The following METTL15 variants were observed in gnomAD, a reference collection of about 807,000 sequenced individuals.
The protein encoded by METTL15 is methyltransferase 15, mitochondrial 12S rRNA N4-cytidine.
A neutral mutation model predicts 38.3 loss-of-function variants in METTL15; 34 were observed. That is an observed-to-expected ratio of 0.89 (90% CI 0.68 to 1.18). The LOEUF is 1.18. Ranked by LOEUF, METTL15 falls within the 50% of genes most tolerant of loss-of-function variation. The pLI is 0.00. For synonymous variants in METTL15, 162 were observed against 170.9 expected, an observed-to-expected ratio of 0.95 and a Z score of 0.41; for missense variants, 438 against 498.4, an observed-to-expected ratio of 0.88 and a Z score of 1.15.
intron 4 of METTL15, among the ~76,000 whole-genome samples, chr11:28,224,815 C>T (rs528247307): frequency 1.6e-4 from 25 of 151,594 alleles, no homozygotes; most frequent in South Asian, 8.3e-4. Context: ...TAATTATATC[C>T]GGATACATTG....
rs751304202 is a variant in METTL15, at chr11:28,516,986, G to A, written c.*425-9492G>A. 12 of 152,362 alleles carry A rather than the reference G, an allele frequency of 7.9e-5. No homozygotes were observed. In the East Asian group the frequency reaches 1.9e-3, roughly 24 times the overall value. 9.4% of individuals were successfully genotyped at this position (152,362 alleles called of 1,614,324 possible). A position where few individuals can be genotyped will look rare whatever the true frequency, so the allele number is the denominator to read the frequency against. On this transcript the variant is annotated intron_variant and NMD_transcript_variant, in intron 6 of 7. Transcript: ENST00000532947. Reference sequence around the variant, plus strand: ...CAATAAGCAAGGGTCAAATGACAGCGATCCAGTTAGACCATGTTGAAGACC... The same window carrying A: ...CAATAAGCAAGGGTCAAATGACAGCAATCCAGTTAGACCATGTTGAAGACC...
chr11:28,209,441 C>T (rs1852526788), intron 3 of METTL15, among the ~76,000 whole-genome samples: 1 of 151,836 alleles, frequency 6.6e-6, no homozygotes, highest in Non-Finnish European at 1.5e-5. Context: ...ATTATTTGAT[C>T]TTGAGATTTA....
chr11:28,234,882 T>C (rs1225529390), intron 4 of METTL15, among the ~76,000 whole-genome samples: 1 of 148,506 alleles, frequency 6.7e-6, no homozygotes, highest in Admixed American at 6.7e-5. Flanking sequence ...TCCTTGCCCA[T>C]GCCTATGTCC....
intron 6 of METTL15, among the ~76,000 whole-genome samples, chr11:28,427,264 G>A (rs1315130783): frequency 1.3e-5 from 2 of 152,072 alleles, no homozygotes; most frequent in East Asian, 1.9e-4. Flanking sequence ...TCTTATTTCT[G>A]GGTTCTCTAT....
At chr11:28,389,598 A>T (rs1850480216) in intron 5 of METTL15, among the ~76,000 whole-genome samples, 1 of 151,916 alleles carries the variant, frequency 6.6e-6, no homozygotes, top group Non-Finnish European at 1.5e-5. Flanking sequence ...TCCATGTTGT[A>T]TATGTGCCAC....
chr11:28,133,843 C>G (rs1445592933), intron 3 of METTL15, among the ~76,000 whole-genome samples: 2 of 152,096 alleles, frequency 1.3e-5, no homozygotes, highest in Non-Finnish European at 2.9e-5. Flanking sequence ...ATTCCTGATC[C>G]ATAGAAACCA....
chr11:28,152,000 C>T (rs1232966504), intron 3 of METTL15, among the ~76,000 whole-genome samples: 1 of 151,992 alleles, frequency 6.6e-6, no homozygotes, highest in Non-Finnish European at 1.5e-5. Context: ...AAGGTCAATT[C>T]CCAGCGTGAG....
intron 5 of METTL15, among the ~76,000 whole-genome samples, chr11:28,378,287 G>A (rs1034262036): frequency 1.3e-5 from 2 of 152,196 alleles, no homozygotes; most frequent in African/African-American, 4.8e-5. Context: ...ATCTCAGACT[G>A]CTGTGCTAGC....
chr11:28,246,565 G>A (rs1017418400), intron 4 of METTL15, among the ~76,000 whole-genome samples: 2 of 152,144 alleles, frequency 1.3e-5, no homozygotes, highest in Admixed American at 6.6e-5. Flanking sequence ...AAAGTGCCTA[G>A]CAGGTAATAA....
chr11:28,217,878 G>A (rs571269067), intron 4 of METTL15, among the ~76,000 whole-genome samples: 1 of 152,264 alleles, frequency 6.6e-6, no homozygotes, highest in South Asian at 2.1e-4. Flanking sequence ...TAGATATGCG[G>A]CATTTTTTCT....
intron 3 of METTL15, chr11:28,164,200 A>T (rs1032410149): frequency 2.0e-4 from 30 of 152,090 alleles, no homozygotes; most frequent in African/African-American, 7.2e-4. Context: ...AGAAGCTCAC[A>T]CACGTAACGG....
intron 5 of METTL15, among the ~76,000 whole-genome samples, chr11:28,407,813 T>G (rs1850687133): frequency 6.6e-6 from 1 of 151,924 alleles, no homozygotes; most frequent in Admixed American, 6.6e-5. Flanking sequence ...TGGATATATA[T>G]CCAAAAGAAT....
intron 3 of METTL15, among the ~76,000 whole-genome samples, chr11:28,194,681 CAGAA>C (rs1241195465): frequency 1.3e-5 from 2 of 151,908 alleles, no homozygotes; most frequent in South Asian, 2.1e-4. Context: ...TGACCACTGT[CAGAA>C]AGAAAGATTA....
chr11:28,161,107 CTTTTTTT>C (rs10660185), intron 3 of METTL15, among the ~76,000 whole-genome samples: 53,511 of 132,340 alleles, frequency 0.4, 11,372 homozygotes, highest in African/African-American at 0.61. Flanking sequence ...TTGCACCTTC[CTTTTTTT>C]TTTTTTTTTT....
chr11:28,524,105 T>C (rs953881573), intron 6 of METTL15, among the ~76,000 whole-genome samples: 6 of 152,258 alleles, frequency 3.9e-5, no homozygotes, highest in African/African-American at 1.4e-4. Context: ...GGTTTTCATT[T>C]CCACTTTTTA....
chr11:28,463,243 A>G (rs1012878246), intron 6 of METTL15, among the ~76,000 whole-genome samples: 8 of 152,138 alleles, frequency 5.3e-5, no homozygotes, highest in African/African-American at 1.9e-4. Context: ...TACATGTCTT[A>G]TCCAAAAAGT....
intron 4 of METTL15, among the ~76,000 whole-genome samples, chr11:28,357,671 TC>T (rs1432987882): frequency 6.6e-6 from 1 of 152,120 alleles, no homozygotes; most frequent in Non-Finnish European, 1.5e-5. Context: ...ACCATCTCAG[TC>T]CCCAACCTAT....
chr11:28,187,221 T>A (rs1851529536), intron 3 of METTL15, among the ~76,000 whole-genome samples: 1 of 151,290 alleles, frequency 6.6e-6, no homozygotes, highest in Non-Finnish European at 1.5e-5. Context: ...AGTTTGATAA[T>A]TATCCCAGTG....
At chr11:28,269,041 G>C (rs1259504765) in intron 4 of METTL15, among the ~76,000 whole-genome samples, 1 of 152,064 alleles carries the variant, frequency 6.6e-6, no homozygotes, top group African/African-American at 2.4e-5. Flanking sequence ...TATTGTATCA[G>C]GTTGCATAGC....
Sources: allele counts gnomAD v4.1 joint callset (sites outside exome capture counted in the v4.1 genomes callset), GRCh38; gene constraint gnomAD v4.1.1; transcripts MANE v1.5; gene names NCBI Gene and HGNC (gene_info 2026-07-23, HGNC 2026-07-21).